ELOVL6: variants seen among roughly 807,000 people sequenced by gnomAD.
The protein encoded by ELOVL6 is very long chain fatty acid elongase 6.
Under a neutral mutation model 31.7 loss-of-function variants are expected in ELOVL6, and 8 were observed. The ratio of observed to expected loss-of-function variants is 0.25; its 90% confidence interval spans 0.15 to 0.45. The LOEUF (loss-of-function observed/expected upper bound fraction) is 0.45. Ranked by LOEUF, ELOVL6 falls within the 20% of genes least tolerant of loss-of-function variation. ELOVL6 has a pLI of 1.00. For synonymous variants in ELOVL6, 101 were observed against 117.7 expected (o/e 0.86, Z 0.92); for missense variants, 126 against 326.4 (o/e 0.39, Z 4.73).
intron 1 of ELOVL6, among the ~76,000 whole-genome samples, chr4:110,115,717 T>C (rs2126251125): frequency 1.3e-5 from 2 of 152,340 alleles, no homozygotes; most frequent in East Asian, 3.9e-4. Flanking sequence ...AGAACTCCGA[T>C]AATGGGGACA....
At chr4:110,073,274 C>G (rs1248660794) in intron 2 of ELOVL6, among the ~76,000 whole-genome samples, 1 of 152,174 alleles carries the variant, frequency 6.6e-6, no homozygotes, top group Admixed American at 6.5e-5. Context: ...TCTACCAGTA[C>G]TGTCCCAGGA....
chr4:110,115,590 C>A (rs763106048), intron 1 of ELOVL6, among the ~76,000 whole-genome samples: 1 of 152,028 alleles, frequency 6.6e-6, no homozygotes, highest in African/African-American at 2.4e-5. Context: ...CAAAAAAAAA[C>A]TTCCAGAAAT....
intron 2 of ELOVL6, among the ~76,000 whole-genome samples, chr4:110,076,113 A>C (rs1237462884): frequency 5.9e-5 from 9 of 152,232 alleles, no homozygotes; most frequent in Admixed American, 5.9e-4. Flanking sequence ...CTCCATTTTC[A>C]CACAGTCACA....
intron 1 of ELOVL6, among the ~76,000 whole-genome samples, chr4:110,127,187 TC>T (rs1438166486): frequency 3.3e-5 from 5 of 151,824 alleles, no homozygotes; most frequent in Non-Finnish European, 7.4e-5. Flanking sequence ...GATGGTTGGA[TC>T]ACAAGGTCAG....
At chr4:110,128,279 A>C (rs538980511) in intron 1 of ELOVL6, among the ~76,000 whole-genome samples, 69 of 152,308 alleles carry the variant, frequency 4.5e-4, no homozygotes, top group African/African-American at 1.4e-3. Flanking sequence ...AGTAAGTGGG[A>C]GAGTGTTGAG....
At chr4:110,194,666 T>C (rs1405198552) in intron 1 of ELOVL6, among the ~76,000 whole-genome samples, 1 of 152,178 alleles carries the variant, frequency 6.6e-6, no homozygotes, top group African/African-American at 2.4e-5. Flanking sequence ...ACACGTGCTA[T>C]GGTTAGTAAG....
At chr4:110,061,549 C>CTGTTTTTTTTTTTTTT (rs1755138601) in intron 2 of ELOVL6, among the ~76,000 whole-genome samples, 1 of 72,380 alleles carries the variant, frequency 1.4e-5, no homozygotes, top group East Asian at 5.1e-4. Context: ...CAAATGATGG[C>CTGTTTTTTTTTTTTTT]TTTTTTTTTT....
intron 1 of ELOVL6, among the ~76,000 whole-genome samples, chr4:110,155,458 A>G (rs1290181103): frequency 6.6e-6 from 1 of 152,182 alleles, no homozygotes; most frequent in Non-Finnish European, 1.5e-5. Context: ...CAATCTATCA[A>G]AGATACTTAA....
chr4:110,084,201 A>AT lies in ELOVL6; in HGVS notation c.221+21295dup, dbSNP rs1756074222. Among the ~76,000 whole-genome samples the AT allele has an allele frequency of 3.3e-5, 2 of 59,734 alleles. 1 individual carries two copies. The highest frequency in any genetic ancestry group is 6.0e-5 in the Non-Finnish European group (2 of 33,128). The allele number at this position is 59,734 out of a possible 152,430, so 39.2% of individuals were successfully genotyped here. A position where few individuals can be genotyped will look rare whatever the true frequency, so the allele number is the denominator to read the frequency against. On this transcript the variant is annotated intron_variant, in intron 2 of 3. Coordinates refer to ENST00000302274, the MANE Select transcript of ELOVL6 (RefSeq NM_024090.3). ...ATATATATAACATATAACTTATATG[A>AT]TATATATAACATATAACTTATATGA... is the stretch of plus-strand genomic sequence containing the variant.
At chr4:110,080,307 A>C (rs569206164) in intron 2 of ELOVL6, among the ~76,000 whole-genome samples, 91 of 152,336 alleles carry the variant, frequency 6.0e-4, no homozygotes, top group African/African-American at 2.1e-3. Flanking sequence ...ATTTTAGACC[A>C]ATATCCCTGA....
At chr4:110,066,974 G>A (rs1431515689) in intron 2 of ELOVL6, among the ~76,000 whole-genome samples, 28 of 151,152 alleles carry the variant, frequency 1.9e-4, no homozygotes. Flanking sequence ...GCGTCCATGT[G>A]TTCTCATTGA....
At chr4:110,103,729 A>G (rs1360049794) in intron 2 of ELOVL6, among the ~76,000 whole-genome samples, 1 of 152,180 alleles carries the variant, frequency 6.6e-6, no homozygotes, top group Non-Finnish European at 1.5e-5. Flanking sequence ...TCTTCAAAGG[A>G]TGAATCATAA....
intron 2 of ELOVL6, among the ~76,000 whole-genome samples, chr4:110,060,914 C>T (rs1755118902): frequency 6.6e-6 from 1 of 152,154 alleles, no homozygotes. Context: ...ATAAATCATT[C>T]CACTAGGCTA....
intron 1 of ELOVL6, among the ~76,000 whole-genome samples, chr4:110,147,820 T>TACACACAC (rs1553960714): frequency 7.9e-6 from 1 of 127,352 alleles, no homozygotes; most frequent in Non-Finnish European, 1.7e-5. Context: ...CACACACACG[T>TACACACAC]GCACGCCAAA....
At chr4:110,194,980 T>C (rs1429599695) in intron 1 of ELOVL6, among the ~76,000 whole-genome samples, 3 of 152,140 alleles carry the variant, frequency 2.0e-5, no homozygotes, top group East Asian at 3.9e-4. Flanking sequence ...CTATATCATG[T>C]TTTTCCTCCA....
chr4:110,173,654 G>A (rs1759017182), intron 1 of ELOVL6, among the ~76,000 whole-genome samples: 1 of 123,544 alleles, frequency 8.1e-6, no homozygotes, highest in African/African-American at 3.1e-5. Flanking sequence ...TGCAGAACTA[G>A]AAATCAGGTA....
At chr4:110,193,530 G>A (rs954201171) in intron 1 of ELOVL6, among the ~76,000 whole-genome samples, 1 of 152,088 alleles carries the variant, frequency 6.6e-6, no homozygotes, top group Middle Eastern at 3.2e-3. Context: ...ACTGGAACCC[G>A]GAGGCAGAGG....
At chr4:110,115,909 T>C (rs1210778160) in intron 1 of ELOVL6, among the ~76,000 whole-genome samples, 1 of 152,084 alleles carries the variant, frequency 6.6e-6, no homozygotes, top group Non-Finnish European at 1.5e-5. Context: ...ACATCTAGAG[T>C]CCACTTGACA....
intron 2 of ELOVL6, among the ~76,000 whole-genome samples, chr4:110,090,226 T>C (rs565046739): frequency 6.6e-6 from 1 of 152,262 alleles, no homozygotes; most frequent in Admixed American, 6.5e-5. Flanking sequence ...AACAGCTAAA[T>C]CTTGTGTTGA....
Sources: gnomAD v4.1 joint callset for allele counts (sites outside exome capture counted in the v4.1 genomes callset) on GRCh38, gnomAD v4.1.1 for gene constraint, MANE v1.5 for transcripts, NCBI Gene and HGNC (gene_info 2026-07-23, HGNC 2026-07-21) for gene names.